Variants in TIMP2 observed in about 807,000 individuals in gnomAD.
The protein encoded by TIMP2 is metalloproteinase inhibitor 2.
TIMP2 carries 5 observed loss-of-function variants against 24.3 expected under a neutral mutation model. The observed-to-expected ratio is 0.21, with a 90% CI of 0.11 to 0.43. TIMP2 has a LOEUF of 0.43. TIMP2 is among the 20% of genes least tolerant of loss of function. The pLI is 1.00. For synonymous variants in TIMP2, 130 were observed against 123.2 expected (o/e 1.06, Z -0.37); for missense variants, 221 against 297.5 (o/e 0.74, Z 1.89).
chr17:78,916,750 C>A (rs536541880), intron 1 of TIMP2, among the ~76,000 whole-genome samples: 1 of 152,354 alleles, frequency 6.6e-6, no homozygotes, highest in South Asian at 2.1e-4. Context: ...CCAGGTCCCA[C>A]TGCCGGGCCT....
At chr17:78,923,232 C>T (rs73999322) in intron 1 of TIMP2, among the ~76,000 whole-genome samples, 2,996 of 152,098 alleles carry the variant, frequency 0.02, 80 homozygotes, top group African/African-American at 0.069. Context: ...ATGAAGGAGG[C>T]GGGAGGCACG....
At chr17:78,902,749 C>T (rs574908528) in intron 1 of TIMP2, 6 of 152,366 alleles carry the variant, frequency 3.9e-5, no homozygotes, top group South Asian at 2.1e-4. Flanking sequence ...AAACATACCT[C>T]GACAGCGTCC....
intron 1 of TIMP2, among the ~76,000 whole-genome samples, chr17:78,917,141 A>G (rs1046794196): frequency 6.6e-6 from 1 of 151,312 alleles, no homozygotes; most frequent in African/African-American, 2.4e-5. Flanking sequence ...AGTCCCAGCT[A>G]CTTGGGAGGC....
rs2070304667 is a variant in TIMP2 at position 78,920,999 on chromosome 17, T to C, written c.130+3960A>G. 6.6e-6 allele frequency among the ~76,000 whole-genome samples: 1 copy of C among 152,116 alleles called. No homozygotes were observed. The highest frequency in any genetic ancestry group is 2.4e-5 in the African/African-American group (1 of 41,402). On this transcript the variant is annotated intron_variant, in intron 1 of 4. Transcript: ENST00000262768. The surrounding 1 kb of genome is among the most constrained non-coding windows in gnomAD (Gnocchi z 4.5). Reference sequence around the variant, plus strand: ...AAATCAAGATGAACAAAACTGACAATACAGATCGATCACATACTTCGCACA... The same window carrying C: ...AAATCAAGATGAACAAAACTGACAACACAGATCGATCACATACTTCGCACA...
chr17:78,903,327 T>G (rs1350295958), intron 1 of TIMP2: 1 of 152,464 alleles, frequency 6.6e-6, no homozygotes, highest in African/African-American at 2.4e-5. Flanking sequence ...TCATAAAGAT[T>G]TGGCTCAAGC....
At chr17:78,908,620 A>T (rs1049601169) in intron 1 of TIMP2, among the ~76,000 whole-genome samples, 8 of 152,184 alleles carry the variant, frequency 5.3e-5, no homozygotes, top group African/African-American at 1.9e-4. Context: ...GCTGCTCCCC[A>T]TCCAAACACC....
At chr17:78,866,839 C>T (rs1198024099) in intron 3 of TIMP2, among the ~76,000 whole-genome samples, 1 of 151,826 alleles carries the variant, frequency 6.6e-6, no homozygotes, top group Non-Finnish European at 1.5e-5. Flanking sequence ...TCTATAGAGA[C>T]GGGAAGTATA....
At chr17:78,882,025 C>T (rs569657271) in intron 1 of TIMP2, among the ~76,000 whole-genome samples, 13 of 152,298 alleles carry the variant, frequency 8.5e-5, no homozygotes, top group Middle Eastern at 6.8e-3. Context: ...AATGCAATGG[C>T]ACGACGTTGG....
intron 3 of TIMP2, among the ~76,000 whole-genome samples, chr17:78,863,230 A>T (rs1302137542): frequency 6.6e-6 from 1 of 151,918 alleles, no homozygotes; most frequent in East Asian, 1.9e-4. Context: ...ACATTGGTTT[A>T]TTTTTATTTT....
At chr17:78,879,991 G>A (rs554676853) in intron 1 of TIMP2, among the ~76,000 whole-genome samples, 249 of 152,202 alleles carry the variant, frequency 1.6e-3, no homozygotes, top group Non-Finnish European at 2.7e-3. Flanking sequence ...GTCAGACTTC[G>A]ACAGTCACAA....
chr17:78,907,948 AC>A (rs1791918750), intron 1 of TIMP2, among the ~76,000 whole-genome samples: 1 of 152,102 alleles, frequency 6.6e-6, no homozygotes, highest in South Asian at 2.1e-4. Flanking sequence ...GGCCTGAACA[AC>A]ATGGCGAAAC....
rs139820382 is a variant in TIMP2, at chr17:78,879,268, C to T, written c.131-5349G>A. Among the ~76,000 whole-genome samples, 639 of 152,252 alleles carry T rather than the reference C, an allele frequency of 4.2e-3. 4 individuals carry two copies. The highest frequency in any genetic ancestry group is 0.014 in the African/African-American group (599 of 41,534). On this transcript the variant is annotated intron_variant, in intron 1 of 4. Coordinates refer to ENST00000262768, the MANE Select transcript of TIMP2 (RefSeq NM_003255.5). The stretch of plus-strand genomic sequence containing the variant: ...AGAGGAGGAGGGAGAGAGAGCTCTC[C>T]GGAATACATTTCCATGCCAATGGCA...
chr17:78,917,944 G>A (rs1316956070), intron 1 of TIMP2, among the ~76,000 whole-genome samples: 4 of 152,056 alleles, frequency 2.6e-5, no homozygotes, highest in African/African-American at 7.2e-5. Context: ...CAGAAGACTC[G>A]AAACCTATAA....
intron 1 of TIMP2, chr17:78,892,088 C>T: frequency 1.3e-6 from 2 of 1,551,924 alleles, no homozygotes; most frequent in South Asian, 1.2e-5. Context: ...TCCTCCCCAG[C>T]CCAACAGACG....
intron 1 of TIMP2, among the ~76,000 whole-genome samples, chr17:78,887,725 C>A (rs1246399722): frequency 7.4e-6 from 1 of 134,836 alleles, no homozygotes; most frequent in African/African-American, 3.1e-5. Flanking sequence ...GCAGGTCAAT[C>A]TTTTTCTGGG....
At chr17:78,887,376 C>A (rs1006616162) in intron 1 of TIMP2, among the ~76,000 whole-genome samples, 2 of 152,104 alleles carry the variant, frequency 1.3e-5, no homozygotes, top group Non-Finnish European at 2.9e-5. Context: ...GTCTAGGACT[C>A]ATATCTGTAA....
At chr17:78,897,780 T>TTA (rs2070026803) in intron 1 of TIMP2, 1 of 152,174 alleles carries the variant, frequency 6.6e-6, no homozygotes, top group African/African-American at 2.4e-5. Flanking sequence ...CCTCGGCCTG[T>TTA]AACAGACACG....
intron 1 of TIMP2, among the ~76,000 whole-genome samples, chr17:78,881,484 G>A (rs1239135376): frequency 6.6e-6 from 1 of 152,248 alleles, no homozygotes; most frequent in East Asian, 1.9e-4. Flanking sequence ...TGGCAATGAA[G>A]ACCAGTGGCC....
chr17:78,872,524 T>C (rs1274696083), intron 2 of TIMP2, among the ~76,000 whole-genome samples: 1 of 151,992 alleles, frequency 6.6e-6, no homozygotes, highest in East Asian at 1.9e-4. Flanking sequence ...CAAACCCAAA[T>C]GGAATGGAAG....
Sources: gnomAD v4.1 joint callset for allele counts (sites outside exome capture counted in the v4.1 genomes callset) on GRCh38, gnomAD v4.1.1 for gene constraint, Gnocchi (gnomAD v3.1) non-coding constraint, MANE v1.5 for transcripts, NCBI Gene and HGNC (gene_info 2026-07-23, HGNC 2026-07-21) for gene names.